Variants in HMGN5 observed in about 807,000 individuals in gnomAD.
HMGN5 encodes the protein high mobility group nucleosome-binding domain-containing protein 5.
Under a neutral mutation model 9.5 loss-of-function variants are expected in HMGN5, and 4 were observed. That is an observed-to-expected ratio of 0.42 (90% CI 0.21 to 0.96). The LOEUF (loss-of-function observed/expected upper bound fraction) is 0.96. Ranked by LOEUF, HMGN5 falls within the 40% of genes least tolerant of loss-of-function variation. The pLI, the probability that HMGN5 is intolerant of heterozygous loss-of-function variation, is 0.30. For synonymous variants in HMGN5, 55 were observed against 57.1 expected (o/e 0.96, Z 0.16); for missense variants, 192 against 187.5 (o/e 1.02, Z -0.14).
At chrX:81,147,651 G>T (rs1212965638) in intron 1 of HMGN5, among the ~76,000 whole-genome samples, 1 of 111,132 alleles carries the variant, frequency 9.0e-6, no homozygotes, top group Non-Finnish European at 1.9e-5. Context: ...GCAAGAGAAA[G>T]AAATAAAAGA....
At chrX:81,197,265 T>C (rs903973248) in intron 1 of HMGN5, among the ~76,000 whole-genome samples, 2 of 112,371 alleles carry the variant, frequency 1.8e-5, no homozygotes, top group African/African-American at 6.5e-5. Flanking sequence ...GAGATAAAAA[T>C]GTAAACTCCA....
At chrX:81,180,034 C>A (rs1214338661) in intron 1 of HMGN5, among the ~76,000 whole-genome samples, 1 of 111,482 alleles carries the variant, frequency 9.0e-6, no homozygotes, top group Non-Finnish European at 1.9e-5. Context: ...CTTCCTTACA[C>A]CTTATACAAA....
intron 1 of HMGN5, among the ~76,000 whole-genome samples, chrX:81,140,406 A>C (rs2075325025): frequency 9.1e-6 from 1 of 109,756 alleles, no homozygotes; most frequent in Non-Finnish European, 1.9e-5. Flanking sequence ...TAAAAATACA[A>C]AAAATTAGCC....
intron 1 of HMGN5, among the ~76,000 whole-genome samples, chrX:81,129,951 C>T (rs1197613024): frequency 1.8e-5 from 2 of 111,757 alleles, no homozygotes; most frequent in Non-Finnish European, 1.9e-5. Context: ...TAATTAAGTA[C>T]TTTCCTGGCT....
chrX:81,188,722 C>T (rs965385029), intron 1 of HMGN5, among the ~76,000 whole-genome samples: 4 of 109,161 alleles, frequency 3.7e-5, no homozygotes, highest in African/African-American at 1.0e-4. Flanking sequence ...TGAGAATATG[C>T]GGTGTTTGGT....
intron 1 of HMGN5, among the ~76,000 whole-genome samples, chrX:81,161,690 T>C (rs921248908): frequency 1.8e-5 from 2 of 110,338 alleles, no homozygotes; most frequent in Non-Finnish European, 3.8e-5. Context: ...TAAAGGAAAG[T>C]AAGAAAAAAT....
At chrX:81,145,286 T>C (rs933264557) in intron 1 of HMGN5, among the ~76,000 whole-genome samples, 1 of 111,890 alleles carries the variant, frequency 8.9e-6, no homozygotes, top group African/African-American at 3.3e-5. Flanking sequence ...GGGGAACCCA[T>C]CACACTAACA....
At position 81,114,653 on chromosome X, in the gene HMGN5, A is replaced by G; in HGVS notation, c.845T>C (p.Val282Ala). Reference sequence around the variant, plus strand: ...ATGAAACTACATAGGGCAGTTTTAAACAATACTCTGTGGCTCCTCTTTTTT... The same window carrying G: ...ATGAAACTACATAGGGCAGTTTTAAGCAATACTCTGTGGCTCCTCTTTTTT... ...DGKKEEPQSI[V>A] Residue 282 changes from valine to alanine, a missense_variant, in exon 7 of 7, where the codon GTT (valine) becomes GCT (alanine). Transcript: ENST00000358130. 3 of 1,130,580 alleles carry G rather than the reference A, an allele frequency of 2.7e-6. No individual in the cohort carries two copies. Among genetic ancestry groups the G allele is most frequent in the Non-Finnish European group, 3.5e-6 (3 of 859,630 alleles). The allele number at this position is 1,130,580 out of a possible 1,213,427, so 93.2% of individuals were successfully genotyped here.
intron 1 of HMGN5, among the ~76,000 whole-genome samples, chrX:81,143,862 C>T (rs1387095653): frequency 4.5e-5 from 5 of 112,111 alleles, no homozygotes; most frequent in Non-Finnish European, 1.9e-5. Flanking sequence ...TTTACCCTCA[C>T]CATGTAAACA....
chrX:81,162,979 G>A (rs185856762), intron 1 of HMGN5, among the ~76,000 whole-genome samples: 1 of 111,307 alleles, frequency 9.0e-6, no homozygotes, highest in Admixed American at 9.6e-5. Flanking sequence ...ATCAAGAAAT[G>A]GGGTCTGCGT....
chrX:81,140,509 G>A (rs1244191042), intron 1 of HMGN5, among the ~76,000 whole-genome samples: 1 of 100,595 alleles, frequency 9.9e-6, no homozygotes, highest in Non-Finnish European at 2.0e-5. Flanking sequence ...GCAGTGAGGC[G>A]AGATCGCGCC....
At chrX:81,125,703 A>G (rs927258342) in intron 1 of HMGN5, among the ~76,000 whole-genome samples, 6 of 112,176 alleles carry the variant, frequency 5.3e-5, no homozygotes, top group African/African-American at 1.9e-4. Flanking sequence ...CTTTTAAAGT[A>G]ACAATTTAAA....
At chrX:81,181,042 C>T (rs1034291641) in intron 1 of HMGN5, among the ~76,000 whole-genome samples, 1 of 110,131 alleles carries the variant, frequency 9.1e-6, no homozygotes, top group Non-Finnish European at 1.9e-5. Flanking sequence ...CACACAGGGG[C>T]CTGTCAGGGG....
At chrX:81,178,541 C>T (rs2075450251) in intron 1 of HMGN5, among the ~76,000 whole-genome samples, 1 of 111,699 alleles carries the variant, frequency 9.0e-6, no homozygotes, top group Non-Finnish European at 1.9e-5. Flanking sequence ...AGACCAAAAA[C>T]AGGCTCTGAA....
intron 1 of HMGN5, among the ~76,000 whole-genome samples, chrX:81,161,926 TTGA>T: frequency 1.8e-5 from 2 of 109,485 alleles, no homozygotes; most frequent in African/African-American, 7.0e-5. Flanking sequence ...CTTGGTAAGT[TTGA>T]ATACAATACT....
chrX:81,155,075 GTATATA>G (rs761895749), intron 1 of HMGN5, among the ~76,000 whole-genome samples: 3 of 68,976 alleles, frequency 4.3e-5, no homozygotes, highest in Non-Finnish European at 5.5e-5. Flanking sequence ...GTATATATCA[GTATATA>G]TATATATATA....
intron 1 of HMGN5, among the ~76,000 whole-genome samples, chrX:81,151,556 G>A (rs1488946191): frequency 6.3e-5 from 7 of 110,373 alleles, no homozygotes; most frequent in Admixed American, 5.8e-4. Flanking sequence ...CCATTTTCAC[G>A]ATATTGATTC....
intron 1 of HMGN5, among the ~76,000 whole-genome samples, chrX:81,200,464 G>T (rs780219573): frequency 2.0e-4 from 22 of 112,191 alleles, no homozygotes; most frequent in African/African-American, 6.2e-4. Context: ...CAACTCAAAT[G>T]TCCCAGTGAT....
chrX:81,118,517 G>T, intron 4 of HMGN5, 32 bp from the exon 5 acceptor site: 1 of 1,096,375 alleles, frequency 9.1e-7, no homozygotes, highest in Non-Finnish European at 1.2e-6. Flanking sequence ...GAAAAGAAAA[G>T]GAAAAAAATC....
Sources: gnomAD v4.1 joint callset for allele counts (sites outside exome capture counted in the v4.1 genomes callset) on GRCh38, gnomAD v4.1.1 for gene constraint, MANE v1.5 for transcripts, NCBI Gene and HGNC (gene_info 2026-07-23, HGNC 2026-07-21) for gene names.